The following ABCA4 variants were observed in gnomAD, a reference collection of about 807,000 sequenced individuals.
ABCA4 encodes retinal-specific phospholipid-transporting ATPase ABCA4.
A neutral mutation model predicts 263.7 loss-of-function variants in ABCA4; 196 were observed. The ratio of observed to expected loss-of-function variants is 0.74; its 90% CI spans 0.66 to 0.84. The LOEUF (loss-of-function observed/expected upper bound fraction) is 0.84. ABCA4 is among the 40% of genes least tolerant of loss of function. ABCA4 has a pLI of 0.00. For missense variants in ABCA4, 2,792 were observed against 2,855.1 expected (o/e 0.98, Z 0.50); for synonymous variants, 1,133 against 1,094.2 (o/e 1.04, Z -0.70).
At chr1:94,056,422 C>T (rs551848112) in intron 15 of ABCA4, among the ~76,000 whole-genome samples, 179 bp downstream of exon 15, 133 of 152,314 alleles carry the variant, frequency 8.7e-4, no homozygotes, top group Non-Finnish European at 1.6e-3. Flanking sequence ...ACTGTTGCAT[C>T]GCTCGGGGTG....
chr1:94,031,741 C>T, intron 27 of ABCA4, 37 bp downstream of exon 27: 2 of 1,612,108 alleles, frequency 1.2e-6, no homozygotes, highest in Non-Finnish European at 1.7e-6. Context: ...GGGAGAGGAG[C>T]CACTGAGCTC....
intron 13 of ABCA4, among the ~76,000 whole-genome samples, 178 bp from the exon 14 acceptor site, chr1:94,060,937 T>C (rs1661107597): frequency 6.6e-6 from 1 of 152,242 alleles, no homozygotes; most frequent in African/African-American, 2.4e-5. Flanking sequence ...ATGTTAGCCC[T>C]GAAGCATTAT....
intron 1 of ABCA4, among the ~76,000 whole-genome samples, chr1:94,116,966 T>TTG (rs1160649993): frequency 0.029 from 2,928 of 101,776 alleles, 69 homozygotes; most frequent in East Asian, 0.16. Context: ...CTTTCTTTCT[T>TTG]TCTCTTTCTT....
chr1:94,001,332 G>A (rs770077657), intron 45 of ABCA4, among the ~76,000 whole-genome samples: 3 of 152,232 alleles, frequency 2.0e-5, no homozygotes, highest in Admixed American at 6.5e-5. Flanking sequence ...TTCAGCCCAC[G>A]AGGGGATTAA....
In ABCA4 at chr1:94,098,997, G is replaced by A. The variant is rs1158886395; in HGVS notation, c.571-6C>T. 1 of 1,602,636 alleles carries A rather than the reference G, an allele frequency of 6.2e-7. No homozygotes were observed. Among genetic ancestry groups the A allele is most frequent in the Non-Finnish European group, 8.5e-7 (1 of 1,179,110 alleles). The stretch of plus-strand genomic sequence containing the variant: ...TCCGGGACTCCATGAGCGAACTGCA[G>A]GGAGAAGAGGCAACACTAGAAACTG... On this transcript the variant is annotated splice_polypyrimidine_tract_variant and splice_region_variant and intron_variant, in intron 5 of 49. Coordinates refer to ENST00000370225, the MANE Select transcript of ABCA4 (RefSeq NM_000350.3).
intron 1 of ABCA4, among the ~76,000 whole-genome samples, chr1:94,116,078 C>T (rs181403575): frequency 2.0e-5 from 3 of 152,316 alleles, no homozygotes; most frequent in Admixed American, 6.5e-5. Flanking sequence ...CATCCACCCA[C>T]TCCCTCACTC....
intron 6 of ABCA4, 124 bp from the exon 7 acceptor site, chr1:94,083,565 T>A (rs905601229): frequency 2.8e-6 from 2 of 707,270 alleles, no homozygotes; most frequent in Non-Finnish European, 4.8e-6. Context: ...GATCGCAGGA[T>A]CTTTTCTGCA....
At chr1:94,078,548 CTT>C in intron 10 of ABCA4, 40 bp downstream of exon 10, 1 of 868,796 alleles carries the variant, frequency 1.2e-6, no homozygotes, top group South Asian at 1.3e-5. Context: ...GCCCCCACCG[CTT>C]CCTCCTCCCC....
chr1:94,044,101 C>CTCCCCTCCCTCCCTCCCTCG, intron 20 of ABCA4, among the ~76,000 whole-genome samples: 1 of 12,450 alleles, frequency 8.0e-5, no homozygotes, highest in South Asian at 0.05. Flanking sequence ...TTCTTTCCTT[C>CTCCCCTCCCTCCCTCCCTCG]CTTCCTTCCT....
intron 5 of ABCA4, among the ~76,000 whole-genome samples, chr1:94,101,554 T>A (rs539858368): frequency 2.2e-4 from 33 of 152,336 alleles, no homozygotes; most frequent in African/African-American, 7.9e-4. Context: ...CAGGAGCTGG[T>A]GCTGACCAGG....
rs997726534 is a variant in ABCA4, at chr1:94,111,522, A to G, written c.218T>C (p.Ile73Thr). 1 of 1,614,184 alleles carries G rather than the reference A, an allele frequency of 6.2e-7. No homozygotes were observed. The highest frequency in any genetic ancestry group is 8.5e-7 in the Non-Finnish European group (1 of 1,180,012). Residue 73 changes from isoleucine to threonine, a missense_variant, in exon 3 of 50, where the codon ATC (isoleucine) becomes ACC (threonine). Ile to Thr is a moderately conservative substitution (Grantham distance 89). Coordinates refer to ENST00000370225, the MANE Select transcript of ABCA4 (RefSeq NM_000350.3). ...SAGMLPWLQGIFCNVNNPCFQ... is the reference protein window; with the variant it reads ...SAGMLPWLQGTFCNVNNPCFQ... Reference sequence around the variant, plus strand: ...ACAGGGATTGTTCACATTGCAGAAGATCCCCTGGAGCCACGGCAGCATTCC... The same window carrying G: ...ACAGGGATTGTTCACATTGCAGAAGGTCCCCTGGAGCCACGGCAGCATTCC...
intron 5 of ABCA4, among the ~76,000 whole-genome samples, chr1:94,100,175 G>C (rs1662251563): frequency 6.6e-6 from 1 of 152,272 alleles, no homozygotes; most frequent in South Asian, 2.1e-4. Context: ...CGAGGCACAG[G>C]TTACAGCTGA....
chr1:94,080,329 G>A (rs1661655373), intron 8 of ABCA4, 149 bp downstream of exon 8: 3 of 1,101,752 alleles, frequency 2.7e-6, no homozygotes, highest in Non-Finnish European at 4.1e-6. Context: ...GCAAGGGGAA[G>A]TGGACTTTCT....
At chr1:94,030,375 G>C (rs192717887) in intron 29 of ABCA4, 53 bp downstream of exon 29, 2 of 1,545,284 alleles carry the variant, frequency 1.3e-6, no homozygotes, top group Non-Finnish European at 1.8e-6. Context: ...ACCCACCGTT[G>C]GGTCCTCCCA....
intron 25 of ABCA4, 122 bp downstream of exon 25, chr1:94,037,023 G>T: frequency 9.2e-7 from 1 of 1,082,990 alleles, no homozygotes. Context: ...AAAGATAGTT[G>T]CTATGCTTGG....
chr1:94,035,599 C>T (rs1660314892), intron 26 of ABCA4, among the ~76,000 whole-genome samples: 1 of 152,142 alleles, frequency 6.6e-6, no homozygotes, highest in African/African-American at 2.4e-5. Flanking sequence ...GGAAACACTC[C>T]AACAGGAAAA....
At position 94,021,247 on chromosome 1, in the gene ABCA4, T is replaced by C; in HGVS notation, c.5011A>G (p.Ile1671Val). ...GGGGCTGTGGTGGCTTACACTGTAA[T>C]CTCTGAGAGCTGCTCCTTGGTCAGG... is the stretch of plus-strand genomic sequence containing the variant. ...LNLTKEQLSEITVLTTSVDAV... is the reference protein window; with the variant it reads ...LNLTKEQLSEVTVLTTSVDAV... Residue 1671 changes from isoleucine to valine, a missense_variant, in exon 35 of 50, where the codon ATT (isoleucine) becomes GTT (valine). Ile to Val is a conservative substitution (Grantham distance 29). Coordinates refer to ENST00000370225, the MANE Select transcript of ABCA4 (RefSeq NM_000350.3). 6.2e-7 allele frequency: 1 copy of C among 1,614,214 alleles called. No homozygotes were observed. Among genetic ancestry groups the C allele is most frequent in the Non-Finnish European group, 8.5e-7 (1 of 1,180,028 alleles).
chr1:94,015,946 C>T lies in ABCA4; in HGVS notation c.5197-92G>A, dbSNP rs371116642. ...GGGGTGGGGCCAGGCTCCTCCAGCT[C>T]GTAGGGTCTGGGATTCTGATTCGAC... On this transcript the variant is annotated intron_variant, in intron 36 of 49. Coordinates refer to ENST00000370225, the MANE Select transcript of ABCA4 (RefSeq NM_000350.3). The T allele has an allele frequency of 5.6e-5, 61 of 1,087,176 alleles. No homozygotes were observed. In the African/African-American group the frequency reaches 6.2e-4, roughly 11 times the overall value. 67.3% of individuals were successfully genotyped at this position (1,087,176 alleles called of 1,614,324 possible).
intron 47 of ABCA4, among the ~76,000 whole-genome samples, 191 bp from the exon 48 acceptor site, chr1:93,998,301 G>A (rs150420580): frequency 6.6e-6 from 1 of 152,062 alleles, no homozygotes; most frequent in Non-Finnish European, 1.5e-5. Flanking sequence ...GATAAGCCTG[G>A]GCAACAAGAA....
Sources: allele counts gnomAD v4.1 joint callset (sites outside exome capture counted in the v4.1 genomes callset), GRCh38; gene constraint gnomAD v4.1.1; transcripts MANE v1.5; gene names NCBI Gene and HGNC (gene_info 2026-07-23, HGNC 2026-07-21).